The following TYR variants were observed in gnomAD, a reference collection of about 807,000 sequenced individuals.
TYR encodes tyrosinase.
In TYR, 58 loss-of-function variants were observed where a neutral mutation model predicts 51.5. The observed-to-expected ratio is 1.13, with a 90% CI of 0.91 to 1.40. The LOEUF (loss-of-function observed/expected upper bound fraction) is 1.40, where lower values mean the gene tolerates loss of function less well. Ranked by LOEUF, TYR falls within the 40% of genes most tolerant of loss-of-function variation. TYR has a pLI of 0.00. For missense variants in TYR, 732 were observed against 647.4 expected, an observed-to-expected ratio of 1.13 and a Z score of -1.42; for synonymous variants, 263 against 235.2, an observed-to-expected ratio of 1.12 and a Z score of -1.08.
At chr11:89,283,856 GA>G (rs1944749077) in intron 3 of TYR, 2 of 151,638 alleles carry the variant, frequency 1.3e-5, no homozygotes, top group Admixed American at 1.3e-4. Flanking sequence ...GCATGAAATA[GA>G]AACTAACTCT....
At chr11:89,226,515 G>T (rs1457031842) in intron 2 of TYR, among the ~76,000 whole-genome samples, 1 of 152,036 alleles carries the variant, frequency 6.6e-6, no homozygotes, top group East Asian at 1.9e-4. Flanking sequence ...ATCAGGGATT[G>T]GTATGGTCTC....
At chr11:89,291,688 G>T (rs1270716466) in intron 4 of TYR, among the ~76,000 whole-genome samples, 1 of 151,886 alleles carries the variant, frequency 6.6e-6, no homozygotes. Context: ...GCCAAAGAGT[G>T]CTGCAAGTCT....
At position 89,227,912 on chromosome 11, in the gene TYR, C is replaced by T. The variant is rs61754389; in HGVS notation, c.1126C>T (p.Gln376Ter). ...CATCTATATGAATGGAACAATGTCCCAGGTACAGGGATCTGCCAACGATCC... is the reference window on the plus strand; with the variant it reads ...CATCTATATGAATGGAACAATGTCCTAGGTACAGGGATCTGCCAACGATCC... ...LHIYMNGTMS[Q>*]VQGSANDPIF... is the part of the protein sequence containing the mutation. The change falls in exon 3 of 5, where the codon CAG (glutamine) becomes TAG (stop). Residue 376 changes from glutamine to a stop codon, truncating the protein, a stop_gained. Transcript: ENST00000263321. LOFTEE classifies it high-confidence loss of function. 2 of 1,613,582 alleles carry T rather than the reference C, an allele frequency of 1.2e-6. No homozygotes were observed. The highest frequency in any genetic ancestry group is 2.2e-5 in the South Asian group (2 of 91,076).
chr11:89,194,963 A>G (rs936150017), intron 2 of TYR, among the ~76,000 whole-genome samples: 1 of 152,104 alleles, frequency 6.6e-6, no homozygotes, highest in African/African-American at 2.4e-5. Context: ...TGGGAAGGAA[A>G]CTCAAGATCA....
At chr11:89,268,707 T>C (rs1944553745) in intron 3 of TYR, among the ~76,000 whole-genome samples, 1 of 151,888 alleles carries the variant, frequency 6.6e-6, no homozygotes, top group Admixed American at 6.6e-5. Flanking sequence ...TAGATTCAAT[T>C]TAACCCTTGG....
intron 1 of TYR, 127 bp downstream of exon 1, chr11:89,178,899 G>A: frequency 1.1e-6 from 1 of 888,134 alleles, no homozygotes; most frequent in Non-Finnish European, 1.8e-6. Context: ...ATGGTGCCCT[G>A]TTAAGAACTC....
chr11:89,201,879 A>C (rs1268658197), intron 2 of TYR, among the ~76,000 whole-genome samples: 1 of 152,210 alleles, frequency 6.6e-6, no homozygotes, highest in African/African-American at 2.4e-5. Flanking sequence ...GGAAGACCTT[A>C]TTAATTTCAA....
At chr11:89,289,593 G>A (rs1380127149) in intron 4 of TYR, among the ~76,000 whole-genome samples, 6 of 151,966 alleles carry the variant, frequency 3.9e-5, no homozygotes, top group Non-Finnish European at 7.4e-5. Flanking sequence ...ATGAGACAGA[G>A]TGCCCCCCAA....
At chr11:89,232,523 G>A (rs1944063753) in intron 3 of TYR, among the ~76,000 whole-genome samples, 1 of 142,188 alleles carries the variant, frequency 7.0e-6, no homozygotes, top group South Asian at 2.3e-4. Flanking sequence ...AAAGATGGGA[G>A]CCATAGATAT....
At chr11:89,217,476 T>C (rs1226247474) in intron 2 of TYR, among the ~76,000 whole-genome samples, 3 of 152,194 alleles carry the variant, frequency 2.0e-5, no homozygotes, top group South Asian at 4.1e-4. Context: ...TGGAGAATTG[T>C]ACATGAGAAA....
chr11:89,207,047 A>G (rs947025119), intron 2 of TYR, among the ~76,000 whole-genome samples: 22 of 152,126 alleles, frequency 1.4e-4, no homozygotes, highest in Non-Finnish European at 3.1e-4. Context: ...TCAGTAATAC[A>G]AACTCAAACT....
At chr11:89,265,429 C>CT (rs1318228728) in intron 3 of TYR, among the ~76,000 whole-genome samples, 1 of 152,048 alleles carries the variant, frequency 6.6e-6, no homozygotes, top group Non-Finnish European at 1.5e-5. Flanking sequence ...TTCATAGCTC[C>CT]TATTACCCTT....
At chr11:89,195,957 T>C (rs971583265) in intron 2 of TYR, among the ~76,000 whole-genome samples, 26 of 152,160 alleles carry the variant, frequency 1.7e-4, no homozygotes, top group African/African-American at 6.0e-4. Context: ...TTTCAATGAA[T>C]TGGTTAAAAG....
In TYR at chr11:89,295,474, T is replaced by C; in HGVS notation, c.*108T>C. The C allele has an allele frequency of 7.0e-7, 1 of 1,422,854 alleles. No homozygotes were observed. The highest frequency in any genetic ancestry group is 9.6e-7 in the Non-Finnish European group (1 of 1,039,018). The allele number at this position is 1,422,854 out of a possible 1,614,324, so 88.1% of individuals were successfully genotyped here. Reference sequence around the variant, plus strand: ...CTGGTATTTTTCTGTAAAGACCATTTGCAAAATTGTAACCTAATACAAAGT... The same window carrying C: ...CTGGTATTTTTCTGTAAAGACCATTCGCAAAATTGTAACCTAATACAAAGT... On this transcript the variant is annotated 3_prime_UTR_variant, in exon 5 of 5. Coordinates refer to ENST00000263321, the MANE Select transcript of TYR (RefSeq NM_000372.5).
chr11:89,187,741 GAAT>G (rs1943393812), intron 1 of TYR, among the ~76,000 whole-genome samples: 2 of 152,030 alleles, frequency 1.3e-5, no homozygotes, highest in Admixed American at 1.3e-4. Context: ...TCCTCTCATA[GAAT>G]AATTGATTTA....
chr11:89,198,415 C>G (rs1348231353), intron 2 of TYR, among the ~76,000 whole-genome samples: 1 of 152,042 alleles, frequency 6.6e-6, no homozygotes. Flanking sequence ...TACCCTGACT[C>G]CGAGAGAGGC....
chr11:89,222,829 A>G (rs942578583), intron 2 of TYR, among the ~76,000 whole-genome samples: 3 of 152,334 alleles, frequency 2.0e-5, no homozygotes, highest in Admixed American at 2.0e-4. Flanking sequence ...AAGGCATAAC[A>G]TAATTTGGGG....
chr11:89,208,782 G>A (rs35300336), intron 2 of TYR, among the ~76,000 whole-genome samples: 25,770 of 152,010 alleles, frequency 0.17, 2,641 homozygotes, highest in African/African-American at 0.29. Context: ...CTTCTTAGAC[G>A]TATTTACTTT....
At chr11:89,290,919 A>G (rs191294788) in intron 4 of TYR, among the ~76,000 whole-genome samples, 481 of 152,128 alleles carry the variant, frequency 3.2e-3, no homozygotes, top group African/African-American at 0.01. Flanking sequence ...GTTTTGTTAG[A>G]AAGAATCCAT....
Sources: gnomAD v4.1 joint callset for allele counts (sites outside exome capture counted in the v4.1 genomes callset) on GRCh38, gnomAD v4.1.1 for gene constraint, MANE v1.5 for transcripts, NCBI Gene and HGNC (gene_info 2026-07-23, HGNC 2026-07-21) for gene names.